The following MYRIP variants were observed in gnomAD, a reference collection of about 807,000 sequenced individuals.
MYRIP encodes the protein myosin VIIA and Rab interacting protein.
Under a neutral mutation model 98.0 loss-of-function variants are expected in MYRIP, and 49 were observed. The ratio of observed to expected loss-of-function variants is 0.50; its 90% confidence interval spans 0.40 to 0.63. The LOEUF (loss-of-function observed/expected upper bound fraction) is 0.63. Ranked by LOEUF, MYRIP falls within the 30% of genes least tolerant of loss-of-function variation. The pLI is 0.00. For missense variants in MYRIP, 1,004 were observed against 1,058.2 expected (o/e 0.95, Z 0.71); for synonymous variants, 404 against 409.5 (o/e 0.99, Z 0.16).
intron 2 of MYRIP, among the ~76,000 whole-genome samples, chr3:39,959,163 C>A (rs896338409): frequency 2.0e-5 from 3 of 152,162 alleles, no homozygotes; most frequent in Admixed American, 1.3e-4. Flanking sequence ...TTGACCCAGA[C>A]ATCCCATTAC....
At chr3:40,091,730 T>G (rs1043975397) in intron 3 of MYRIP, among the ~76,000 whole-genome samples, 2 of 152,140 alleles carry the variant, frequency 1.3e-5, no homozygotes, top group African/African-American at 2.4e-5. Flanking sequence ...CACTTCTAAT[T>G]CTCACATCTA....
chr3:39,935,946 G>A (rs1337449592), intron 2 of MYRIP, among the ~76,000 whole-genome samples: 1 of 143,396 alleles, frequency 7.0e-6, no homozygotes, highest in African/African-American at 2.9e-5. Context: ...TATGAATGAC[G>A]TTTTGAAATA....
intron 2 of MYRIP, among the ~76,000 whole-genome samples, chr3:39,984,234 T>C (rs1945971663): frequency 6.6e-6 from 1 of 151,174 alleles, no homozygotes; most frequent in African/African-American, 2.4e-5. Flanking sequence ...TTTATTTTAT[T>C]TATTGTTATA....
chr3:40,244,519 T>C lies in MYRIP; in HGVS notation c.2174T>C (p.Ile725Thr). The change falls in exon 13 of 17, where the codon ATC becomes ACC. Residue 725 changes from isoleucine to threonine, a missense_variant. This residue lies in a region of MYRIP where 880 missense variants were observed against 907.7 expected (regional missense o/e 0.97). Coordinates refer to ENST00000302541, the MANE Select transcript of MYRIP (RefSeq NM_015460.4). ...LTELEDAARC[I>T]HSGTDETHLA... ...GAGCTAGAAGATGCCGCCCGCTGCATCCACAGTGGCACTGATGAGACCCAT... is the reference window on the plus strand; with the variant it reads ...GAGCTAGAAGATGCCGCCCGCTGCACCCACAGTGGCACTGATGAGACCCAT... 1.2e-6 allele frequency: 2 copies of C among 1,613,982 alleles called. No homozygotes were observed. The highest frequency in any genetic ancestry group is 1.7e-6 in the Non-Finnish European group (2 of 1,179,922).
At chr3:39,921,572 A>T (rs1944304575) in intron 2 of MYRIP, among the ~76,000 whole-genome samples, 1 of 152,164 alleles carries the variant, frequency 6.6e-6, no homozygotes, top group African/African-American at 2.4e-5. Context: ...CCCCAACTCC[A>T]GGTACATTGT....
intron 1 of MYRIP, among the ~76,000 whole-genome samples, chr3:39,847,151 C>G (rs1005676059): frequency 6.6e-6 from 1 of 152,196 alleles, no homozygotes; most frequent in Non-Finnish European, 1.5e-5. Context: ...ATCTCTTTAA[C>G]CCATACTTAA....
chr3:39,852,068 G>T (rs975330195), intron 1 of MYRIP, among the ~76,000 whole-genome samples: 1 of 152,094 alleles, frequency 6.6e-6, no homozygotes, highest in African/African-American at 2.4e-5. Flanking sequence ...GCCCACATGT[G>T]CTATGAACCA....
chr3:40,146,890 CA>C (rs1465208112), intron 3 of MYRIP, among the ~76,000 whole-genome samples: 1 of 152,156 alleles, frequency 6.6e-6, no homozygotes, highest in Non-Finnish European at 1.5e-5. Flanking sequence ...TGTCAGGTTC[CA>C]GTAGTAGAAC....
chr3:39,842,854 G>A (rs958611509), intron 1 of MYRIP, among the ~76,000 whole-genome samples: 11 of 152,200 alleles, frequency 7.2e-5, no homozygotes, highest in Admixed American at 2.6e-4. Flanking sequence ...GAATTCACCT[G>A]CTTTCTGCAT....
chr3:39,970,453 T>C (rs1041014256), intron 2 of MYRIP, among the ~76,000 whole-genome samples: 7 of 152,132 alleles, frequency 4.6e-5, no homozygotes, highest in African/African-American at 7.2e-5. Context: ...GCATCTTACA[T>C]ATGTGTATGT....
chr3:40,076,976 T>C (rs1223348316), intron 3 of MYRIP, among the ~76,000 whole-genome samples: 3 of 152,212 alleles, frequency 2.0e-5, no homozygotes, highest in East Asian at 1.9e-4. Context: ...CATGTACTAT[T>C]GTGTCCAGAA....
chr3:39,840,281 T>C (rs1941762962), intron 1 of MYRIP, among the ~76,000 whole-genome samples: 1 of 152,218 alleles, frequency 6.6e-6, no homozygotes, highest in Admixed American at 6.5e-5. Context: ...TATCAGAGAC[T>C]AGGATTGCAA....
intron 2 of MYRIP, among the ~76,000 whole-genome samples, chr3:39,958,557 A>G (rs1482284670): frequency 6.6e-6 from 1 of 152,160 alleles, no homozygotes; most frequent in Non-Finnish European, 1.5e-5. Flanking sequence ...TAAATGTTAG[A>G]CCTAAATCCA....
At chr3:40,058,427 A>T (rs1477297344) in intron 3 of MYRIP, among the ~76,000 whole-genome samples, 1 of 152,204 alleles carries the variant, frequency 6.6e-6, no homozygotes, top group Non-Finnish European at 1.5e-5. Context: ...GTATCTCAAT[A>T]GGCATTTCAT....
intron 3 of MYRIP, among the ~76,000 whole-genome samples, chr3:40,106,373 C>T (rs141952904): frequency 2.9e-3 from 447 of 152,106 alleles, no homozygotes; most frequent in Non-Finnish European, 5.2e-3. Context: ...ATATGCAAGT[C>T]GTTTGAATTT....
chr3:40,120,358 T>C (rs375107093), intron 3 of MYRIP, among the ~76,000 whole-genome samples: 15 of 151,872 alleles, frequency 9.9e-5, no homozygotes, highest in Middle Eastern at 3.2e-3. Context: ...TTACTTATTA[T>C]ATAACTTAAC....
chr3:39,979,651 A>C (rs1277153007), intron 2 of MYRIP, among the ~76,000 whole-genome samples: 1 of 133,200 alleles, frequency 7.5e-6, no homozygotes, highest in Non-Finnish European at 1.7e-5. Flanking sequence ...AAACCAAAAC[A>C]AAACAAAAAA....
intron 11 of MYRIP, among the ~76,000 whole-genome samples, chr3:40,228,092 A>G (rs546078338): frequency 6.6e-6 from 1 of 152,246 alleles, no homozygotes; most frequent in Non-Finnish European, 1.5e-5. Context: ...TCTGCCATGT[A>G]TTCATGAACA....
intron 2 of MYRIP, among the ~76,000 whole-genome samples, chr3:39,946,394 G>A (rs1355474075): frequency 6.6e-6 from 1 of 152,156 alleles, no homozygotes; most frequent in East Asian, 1.9e-4. Flanking sequence ...ATTATGTAGT[G>A]TGATATGAAG....
Sources: allele counts gnomAD v4.1 joint callset (sites outside exome capture counted in the v4.1 genomes callset), GRCh38; gene constraint gnomAD v4.1.1; regional missense constraint gnomAD v4.1.1; transcripts MANE v1.5; gene names NCBI Gene and HGNC (gene_info 2026-07-23, HGNC 2026-07-21).